The following MIER2 variants were observed in gnomAD, a reference collection of about 807,000 sequenced individuals.
The protein encoded by MIER2 is mesoderm induction early response protein 2.
In MIER2, 30 loss-of-function variants were observed where a neutral mutation model predicts 67.6. The ratio of observed to expected loss-of-function variants is 0.44; its 90% CI spans 0.33 to 0.60. MIER2 has a LOEUF of 0.60. Ranked by LOEUF, MIER2 falls within the 20% of genes least tolerant of loss-of-function variation. The pLI is 0.02. For missense variants in MIER2, 702 were observed against 745.1 expected (o/e 0.94, Z 0.67); for synonymous variants, 372 against 312.6 (o/e 1.19, Z -2.00).
chr19:326,642 G>A, intron 5 of MIER2, 44 bp from the exon 6 acceptor site: 1 of 1,472,508 alleles, frequency 6.8e-7, no homozygotes. Context: ...TCCACTGCCT[G>A]CAGCCTATAC....
rs1244316954 is a variant in MIER2 at position 313,083 on chromosome 19, AGGGCC to A, written c.807+404_807+408del. ...CCACACCACCCTCCTGGGCGATGTC[AGGGCC>A]ACCTACACCTCTATCCAGGGACTGG... On this transcript the variant is annotated intron_variant, in intron 8 of 13. Coordinates refer to ENST00000264819, the MANE Select transcript of MIER2 (RefSeq NM_017550.3). Among the ~76,000 whole-genome samples the A allele has an allele frequency of 2.7e-5, 3 of 112,052 alleles. No homozygotes were observed. The East Asian group carries it at 1.2e-3, about 45-fold the overall frequency. 73.5% of individuals were successfully genotyped at this position (112,052 alleles called of 152,430 possible).
At chr19:314,896 A>C (rs567164502) in intron 7 of MIER2, among the ~76,000 whole-genome samples, 15 of 151,786 alleles carry the variant, frequency 9.9e-5, no homozygotes, top group African/African-American at 3.6e-4. Flanking sequence ...TGAGACTCGC[A>C]CACTCCATCT....
Position 324,502 on chromosome 19 carries a change from G to A in MIER2, c.655+1133C>T, listed in dbSNP as rs560090127. The stretch of plus-strand genomic sequence containing the variant: ...ACAAGACACACACAACCACGCAGAT[G>A]ACTCGAAGGACACAGACGTCATCAC... On this transcript the variant is annotated intron_variant, in intron 7 of 13. Transcript: ENST00000264819. Among the ~76,000 whole-genome samples, 25 of 131,380 alleles carry A rather than the reference G, an allele frequency of 1.9e-4. 4 individuals carry two copies. Among genetic ancestry groups the A allele is most frequent in the Non-Finnish European group, 3.0e-4 (19 of 63,930 alleles). 86.2% of individuals were successfully genotyped at this position (131,380 alleles called of 152,430 possible). A position where few individuals can be genotyped will look rare whatever the true frequency, so the allele number is the denominator to read the frequency against.
intron 8 of MIER2, 55 bp from the exon 9 acceptor site, chr19:312,327 A>G: frequency 6.4e-7 from 1 of 1,557,916 alleles, no homozygotes. Context: ...GCCGACAGCA[A>G]GAACTGTCTA....
At chr19:344,048 G>C (rs1972626291) in intron 1 of MIER2, 2 of 985,430 alleles carry the variant, frequency 2.0e-6, no homozygotes, top group Non-Finnish European at 2.4e-6. Flanking sequence ...CCAAAATATA[G>C]CTGGTCCCAA....
At chr19:330,023 T>A (rs1048343280) in intron 3 of MIER2, among the ~76,000 whole-genome samples, 6 of 152,098 alleles carry the variant, frequency 3.9e-5, no homozygotes, top group African/African-American at 1.4e-4. Flanking sequence ...AGGAACCACA[T>A]GCATGGAACG....
intron 8 of MIER2, 101 bp from the exon 9 acceptor site, chr19:312,373 C>T: frequency 8.6e-7 from 1 of 1,158,280 alleles, no homozygotes. Flanking sequence ...GCCGTCCACA[C>T]CACCCTCCTG....
intron 7 of MIER2, among the ~76,000 whole-genome samples, chr19:316,146 G>A (rs563038852): frequency 2.6e-5 from 4 of 152,316 alleles, no homozygotes; most frequent in African/African-American, 4.8e-5. Context: ...ACAAAAAAAT[G>A]CTGAAAGAAA....
rs1203375456 is a variant in MIER2 at position 307,098 on chromosome 19, CG to C, written c.1616+20del. ...CCTGGTTGGAGTGTTGCGGAGGCTC[CG>C]GGCATGGGGTGGCACTCACTGTGAC... is the stretch of plus-strand genomic sequence containing the variant. On this transcript the variant is annotated intron_variant, in intron 13 of 13. Coordinates refer to ENST00000264819, the MANE Select transcript of MIER2 (RefSeq NM_017550.3). 7 of 1,563,790 alleles carry C rather than the reference CG, an allele frequency of 4.5e-6. No individual in the cohort carries two copies. The Admixed American group carries it at 1.3e-4, about 29-fold the overall frequency.
In MIER2 at chr19:320,557, G is replaced by A. The variant is rs545816458; in HGVS notation, c.655+5078C>T. ...GCACAGCAGGAGGTGAGCGGCAGGA[G>A]AGCCAGCATCACTGCCTGACTCCGC... is the stretch of plus-strand genomic sequence containing the variant. On this transcript the variant is annotated intron_variant, in intron 7 of 13. Coordinates refer to ENST00000264819, the MANE Select transcript of MIER2 (RefSeq NM_017550.3). Among the ~76,000 whole-genome samples, 734 of 152,306 alleles carry A rather than the reference G, an allele frequency of 4.8e-3. 3 individuals are homozygous for A. The highest frequency in any genetic ancestry group is 8.2e-3 in the Admixed American group (125 of 15,300).
chr19:318,723 C>A (rs1005575661), intron 7 of MIER2, among the ~76,000 whole-genome samples: 1 of 152,140 alleles, frequency 6.6e-6, no homozygotes, highest in African/African-American at 2.4e-5. Context: ...ACTGAAATCA[C>A]GGAGTATGTT....
chr19:307,779 A>G (rs985462631), intron 12 of MIER2, among the ~76,000 whole-genome samples: 6 of 110,508 alleles, frequency 5.4e-5, no homozygotes, highest in Admixed American at 2.7e-4. Flanking sequence ...CTTTAAAAAG[A>G]GCAGAATACA....
chr19:334,594 C>T (rs1186978747), intron 2 of MIER2, 52 bp from the exon 3 acceptor site: 2 of 1,588,548 alleles, frequency 1.3e-6, no homozygotes, highest in Non-Finnish European at 1.7e-6. Context: ...CTGTCCCAAC[C>T]ATCCTGCCGA....
rs1358085124 is a variant in MIER2 at position 326,587 on chromosome 19, C to T, written c.505G>A (p.Ala169Thr). 1 of 1,614,050 alleles carries T rather than the reference C, an allele frequency of 6.2e-7. No homozygotes were observed. Among genetic ancestry groups the T allele is most frequent in the South Asian group, 1.1e-5 (1 of 91,082 alleles). The change falls in exon 6 of 14, where the codon GCT becomes ACT. Residue 169 changes from alanine to threonine, a missense_variant. Ala to Thr is a moderately conservative substitution (Grantham distance 58, BLOSUM62 0). Around this residue, in one of 3 missense-constraint regions of MIER2, gnomAD observed 320 missense variants for 292.6 expected, o/e 1.09. Coordinates refer to ENST00000264819, the MANE Select transcript of MIER2 (RefSeq NM_017550.3). ...GAGCCAGGCTCTCTGTCTTCATCAG[C>T]CAGGAAACGAGCTTTGGGAAAACAG... ...FPNRSGSRFL[A>T]DEDREPGSSA...
At position 327,190 on chromosome 19, in the gene MIER2, G is replaced by A. The variant is rs774182372; in HGVS notation, c.436C>T (p.Leu146Phe). The change falls in exon 5 of 14, where the codon CTC (leucine) becomes TTC (phenylalanine). Residue 146 changes from leucine to phenylalanine, a missense_variant. This residue lies in a region of MIER2 where 320 missense variants were observed against 292.6 expected (regional missense o/e 1.09). Transcript: ENST00000264819. ...TCGTGGGAGGTCACGGACGGGGTGAGGTCGTCAGCAGATGATTGCGTCTCT... is the reference window on the plus strand; with the variant it reads ...TCGTGGGAGGTCACGGACGGGGTGAAGTCGTCAGCAGATGATTGCGTCTCT... ...EEETQSSADD[L>F]TPSVTSHEAS... 4 of 1,596,306 alleles carry A rather than the reference G, an allele frequency of 2.5e-6. No individual in the cohort carries two copies. Among genetic ancestry groups the A allele is most frequent in the Non-Finnish European group, 3.4e-6 (4 of 1,174,816 alleles).
chr19:314,223 A>T (rs1971138865), intron 7 of MIER2, among the ~76,000 whole-genome samples: 1 of 152,046 alleles, frequency 6.6e-6, no homozygotes, highest in Admixed American at 6.5e-5. Context: ...AAGGTGCATC[A>T]CCTCTGGGGA....
intron 1 of MIER2, among the ~76,000 whole-genome samples, chr19:341,037 C>T (rs117006777): frequency 0.013 from 1,952 of 152,262 alleles, 94 homozygotes; most frequent in Admixed American, 0.11. Context: ...AGCAGGTGGC[C>T]ACCAGCCCAC....
chr19:307,142 C>A lies in MIER2; in HGVS notation c.1593G>T (p.Gly531=), dbSNP rs755178725. ...ACTGTGACAGGGGCTCCGAGTGTAG[C>A]CCGGGGGCCGGGCACGTGGGGTGGG... is the stretch of plus-strand genomic sequence containing the variant. ...LAAHPTCPAP[G]LHSEPLSHCN... is the part of the protein sequence containing the mutation. The change falls in exon 13 of 14, where the codon GGG becomes GGT. Residue 531 remains glycine, a synonymous_variant. Coordinates refer to ENST00000264819, the MANE Select transcript of MIER2 (RefSeq NM_017550.3). 2.5e-6 allele frequency: 4 copies of A among 1,585,818 alleles called. No homozygotes were observed. Among genetic ancestry groups the A allele is most frequent in the African/African-American group, 1.3e-5 (1 of 74,532 alleles).
intron 10 of MIER2, among the ~76,000 whole-genome samples, chr19:311,122 G>A (rs888885994): frequency 1.3e-5 from 2 of 152,348 alleles, no homozygotes; most frequent in African/African-American, 4.8e-5. Flanking sequence ...CACGGTCCCA[G>A]GACACGAGGC....
Sources: gnomAD v4.1 joint callset for allele counts (sites outside exome capture counted in the v4.1 genomes callset) on GRCh38, gnomAD v4.1.1 for gene constraint, gnomAD v4.1.1 regional missense constraint, MANE v1.5 for transcripts, NCBI Gene and HGNC (gene_info 2026-07-23, HGNC 2026-07-21) for gene names.